TMCC1: variants seen among roughly 807,000 people sequenced by gnomAD.
The protein encoded by TMCC1 is transmembrane and coiled-coil domain family 1.
In TMCC1, 15 loss-of-function variants were observed where a neutral mutation model predicts 52.4. The ratio of observed to expected loss-of-function variants is 0.29; its 90% CI spans 0.19 to 0.44. The LOEUF (loss-of-function observed/expected upper bound fraction) is 0.44, where lower values mean the gene tolerates loss of function less well. TMCC1 is among the 20% of genes least tolerant of loss of function. The pLI, the probability that TMCC1 is intolerant of heterozygous loss-of-function variation, is 1.00. For synonymous variants in TMCC1, 279 were observed against 301.9 expected (o/e 0.92, Z 0.79); for missense variants, 503 against 806.0 (o/e 0.62, Z 4.55).
intron 1 of TMCC1, among the ~76,000 whole-genome samples, chr3:129,881,537 A>G (rs2061461408): frequency 6.6e-6 from 1 of 152,220 alleles, no homozygotes; most frequent in Non-Finnish European, 1.5e-5. Flanking sequence ...AGAGAAACTA[A>G]AAGTTGACAT....
chr3:129,704,812 T>C (rs1355147231), intron 4 of TMCC1, among the ~76,000 whole-genome samples: 1 of 152,194 alleles, frequency 6.6e-6, no homozygotes, highest in Non-Finnish European at 1.5e-5. Context: ...TCACAACAGC[T>C]GAATAAGAAT....
chr3:129,777,781 G>A (rs1397869129), intron 4 of TMCC1, among the ~76,000 whole-genome samples: 1 of 152,094 alleles, frequency 6.6e-6, no homozygotes, highest in Non-Finnish European at 1.5e-5. Flanking sequence ...AAGAACAAAA[G>A]CAATCTGTGC....
intron 4 of TMCC1, among the ~76,000 whole-genome samples, chr3:129,765,051 C>T (rs2054013349): frequency 6.6e-6 from 1 of 150,910 alleles, no homozygotes; most frequent in Non-Finnish European, 1.5e-5. Flanking sequence ...ATCCTCCCTC[C>T]TCCACCTCCC....
At chr3:129,719,348 CT>C (rs1228396289) in intron 4 of TMCC1, among the ~76,000 whole-genome samples, 1 of 152,206 alleles carries the variant, frequency 6.6e-6, no homozygotes, top group Admixed American at 6.5e-5. Context: ...CACTGCATCC[CT>C]TCCCATATGC....
At chr3:129,701,339 C>T (rs993011741) in intron 4 of TMCC1, among the ~76,000 whole-genome samples, 34 of 152,230 alleles carry the variant, frequency 2.2e-4, no homozygotes, top group African/African-American at 7.0e-4. Flanking sequence ...TCTGTTCTCT[C>T]TCACCTGGCA....
chr3:129,741,272 C>T (rs1371761191), intron 4 of TMCC1, among the ~76,000 whole-genome samples: 2 of 152,186 alleles, frequency 1.3e-5, no homozygotes, highest in East Asian at 3.8e-4. Flanking sequence ...AATAAAGACA[C>T]ATGTACTATC....
intron 5 of TMCC1, among the ~76,000 whole-genome samples, chr3:129,660,897 GCCT>G (rs995620004): frequency 1.3e-5 from 2 of 152,168 alleles, no homozygotes; most frequent in African/African-American, 4.8e-5. Context: ...TCCCATCTCA[GCCT>G]CCTGAGTAGC....
At chr3:129,771,032 A>G (rs1003097347) in intron 4 of TMCC1, among the ~76,000 whole-genome samples, 1 of 152,226 alleles carries the variant, frequency 6.6e-6, no homozygotes, top group Non-Finnish European at 1.5e-5. Flanking sequence ...CCAGAATCCA[A>G]TTAAGCATCA....
chr3:129,723,189 T>C (rs2049769879), intron 4 of TMCC1, among the ~76,000 whole-genome samples: 1 of 152,318 alleles, frequency 6.6e-6, no homozygotes, highest in Non-Finnish European at 1.5e-5. Context: ...TTGTGTTGAA[T>C]AAAGCTGGAT....
chr3:129,711,117 G>A (rs923797485), intron 4 of TMCC1, among the ~76,000 whole-genome samples: 3 of 152,140 alleles, frequency 2.0e-5, no homozygotes, highest in Non-Finnish European at 4.4e-5. Flanking sequence ...GCCCGCCTCA[G>A]CCTCCCAAAG....
In TMCC1 at chr3:129,745,486, T is replaced by C. The variant is rs1435403301; in HGVS notation, c.577-74222A>G. 2.0e-5 allele frequency among the ~76,000 whole-genome samples: 3 copies of C among 152,202 alleles called. No homozygotes were observed. In the East Asian group the frequency reaches 5.8e-4, roughly 29 times the overall value. ...CTCCTCTTCAGAGCAAATGCCCTGATGGGAAATGCTGTATGTTTATAGTTG... is the reference window on the plus strand; with the variant it reads ...CTCCTCTTCAGAGCAAATGCCCTGACGGGAAATGCTGTATGTTTATAGTTG... On this transcript the variant is annotated intron_variant, in intron 4 of 6. Coordinates refer to ENST00000393238, the MANE Select transcript of TMCC1 (RefSeq NM_001017395.5).
rs78201976 is a variant in TMCC1 at position 129,829,298 on chromosome 3, C to G, written c.-130-790G>C. 7.0e-3 allele frequency among the ~76,000 whole-genome samples: 1,058 copies of G among 152,018 alleles called. 10 individuals carry two copies. The highest frequency in any genetic ancestry group is 0.024 in the African/African-American group (1,009 of 41,458). On this transcript the variant is annotated intron_variant, in intron 3 of 6. Transcript: ENST00000393238. ...GAAGCTTCCCATATATCCATACAAA[C>G]TCAAAAGCAAAGTAACTGGGTAGGA... is the stretch of plus-strand genomic sequence containing the variant.
At chr3:129,665,635 C>T (rs1219985474) in intron 5 of TMCC1, among the ~76,000 whole-genome samples, 1 of 152,150 alleles carries the variant, frequency 6.6e-6, no homozygotes, top group Non-Finnish European at 1.5e-5. Flanking sequence ...ACTGCCAATG[C>T]ATCTAATGCT....
At chr3:129,871,365 C>CAAAAAAAA (rs908333351) in intron 2 of TMCC1, among the ~76,000 whole-genome samples, 3 of 49,822 alleles carry the variant, frequency 6.0e-5, no homozygotes, top group East Asian at 5.8e-4. Context: ...GACGCTGTCT[C>CAAAAAAAA]AAAAAAAAAA....
intron 5 of TMCC1, chr3:129,656,715 A>G (rs1024921771): frequency 1.3e-5 from 2 of 152,280 alleles, no homozygotes; most frequent in East Asian, 3.9e-4. Context: ...AGGAGTCTCT[A>G]TACTGCCTTC....
intron 4 of TMCC1, chr3:129,818,881 T>C (rs2058265265): frequency 6.6e-6 from 1 of 152,524 alleles, no homozygotes; most frequent in Non-Finnish European, 1.5e-5. Context: ...GGAAATGATG[T>C]AGGTGACATT....
At chr3:129,652,012 G>A (rs921591694) in intron 6 of TMCC1, among the ~76,000 whole-genome samples, 1 of 152,246 alleles carries the variant, frequency 6.6e-6, no homozygotes, top group Non-Finnish European at 1.5e-5. Context: ...AGTGGGATGA[G>A]TCACAGGAAG....
chr3:129,686,157 T>TA (rs1483326298), intron 4 of TMCC1, among the ~76,000 whole-genome samples: 1 of 152,248 alleles, frequency 6.6e-6, no homozygotes, highest in African/African-American at 2.4e-5. Flanking sequence ...ACTCAATACT[T>TA]AAATTCTTTT....
At position 129,827,413 on chromosome 3, in the gene TMCC1, A is replaced by C. The variant is rs1156571781; in HGVS notation, c.576+390T>G. On this transcript the variant is annotated intron_variant, in intron 4 of 6. Coordinates refer to ENST00000393238, the MANE Select transcript of TMCC1 (RefSeq NM_001017395.5). The stretch of plus-strand genomic sequence containing the variant: ...GTACTTCCATGGTAAGCACAAACTC[A>C]GATTCTAGAACTTTATTCACTACAT... Among the ~76,000 whole-genome samples, 34 of 152,244 alleles carry C rather than the reference A, an allele frequency of 2.2e-4. 1 individual carries two copies. The highest frequency in any genetic ancestry group is 2.2e-3 in the Admixed American group (34 of 15,288).
Sources: gnomAD v4.1 joint callset for allele counts (sites outside exome capture counted in the v4.1 genomes callset) on GRCh38, gnomAD v4.1.1 for gene constraint, MANE v1.5 for transcripts, NCBI Gene and HGNC (gene_info 2026-07-23, HGNC 2026-07-21) for gene names.